The following LARS2 variants were observed in gnomAD, a reference collection of about 807,000 sequenced individuals.
The protein encoded by LARS2 is leucyl-tRNA synthetase 2, mitochondrial.
Under a neutral mutation model 116.6 loss-of-function variants are expected in LARS2, and 81 were observed. The ratio of observed to expected loss-of-function variants is 0.69; its 90% CI spans 0.58 to 0.84. The LOEUF is 0.84. Among genes scored for constraint, LARS2 ranks in the 40% least tolerant of loss-of-function variants. The probability of loss-of-function intolerance (pLI) is 0.00; values close to 1 mark genes in which losing one functional copy is unlikely to be tolerated. For missense variants in LARS2, 968 were observed against 1,114.5 expected (o/e 0.87, Z 1.87); for synonymous variants, 396 against 407.2 (o/e 0.97, Z 0.33).
At chr3:45,472,983 C>G (rs954853770) in intron 8 of LARS2, among the ~76,000 whole-genome samples, 1 of 152,246 alleles carries the variant, frequency 6.6e-6, no homozygotes, top group African/African-American at 2.4e-5. Flanking sequence ...CTCTCTAATT[C>G]TCTCCCTTGA....
intron 15 of LARS2, among the ~76,000 whole-genome samples, chr3:45,501,610 T>G (rs1405696988): frequency 6.6e-6 from 1 of 152,246 alleles, no homozygotes; most frequent in East Asian, 1.9e-4. Context: ...GACTGTTTTG[T>G]GCAATTATGA....
rs368971408 is a variant in LARS2, at chr3:45,505,549, G to C, written c.1760+4970G>C. Among the ~76,000 whole-genome samples the C allele has an allele frequency of 2.4e-3, 369 of 151,882 alleles. 12 individuals carry two copies. The South Asian group carries it at 0.07, about 29-fold the overall frequency. ...AAAAAAAAAAAAAATTAATGAGCCAGGTGTGGTGGTGCACACTTGTAGTCC... is the reference window on the plus strand; with the variant it reads ...AAAAAAAAAAAAAATTAATGAGCCACGTGTGGTGGTGCACACTTGTAGTCC... On this transcript the variant is annotated intron_variant, in intron 15 of 21. Transcript: ENST00000645846.
chr3:45,493,335 G>A (rs968994036), intron 13 of LARS2, among the ~76,000 whole-genome samples: 12 of 152,158 alleles, frequency 7.9e-5, no homozygotes, highest in Non-Finnish European at 1.3e-4. Context: ...TCCTGACCTC[G>A]TGTTCTGCCC....
At chr3:45,540,434 C>A (rs554324988) in intron 20 of LARS2, among the ~76,000 whole-genome samples, 2 of 152,148 alleles carry the variant, frequency 1.3e-5, no homozygotes, top group Non-Finnish European at 2.9e-5. Flanking sequence ...GGAATTGACT[C>A]CCTCTGTCAC....
At chr3:45,483,590 A>AG (rs1438834618) in intron 10 of LARS2, among the ~76,000 whole-genome samples, 1 of 152,192 alleles carries the variant, frequency 6.6e-6, no homozygotes. Flanking sequence ...CAGAGGTTGC[A>AG]GTGAGCTGAG....
At chr3:45,416,857 G>A (rs1474482183) in intron 4 of LARS2, among the ~76,000 whole-genome samples, 2 of 152,014 alleles carry the variant, frequency 1.3e-5, no homozygotes, top group East Asian at 1.9e-4. Flanking sequence ...GGCGGATCAC[G>A]AGGTCAGGAG....
Position 45,547,530 on chromosome 3 carries a change from A to G in LARS2, c.2712A>G (p.Ter904TrpextTer12), listed in dbSNP as rs775991374. 4 of 1,599,058 alleles carry G rather than the reference A, an allele frequency of 2.5e-6. No homozygotes were observed. In the East Asian group the frequency reaches 9.0e-5, roughly 36 times the overall value. ...TALINFLVQD* is the reference protein window; with the variant it reads ...TALINFLVQDW ...TCATCAACTTCCTGGTGCAAGATTG[A>G]CAGCCAGGAGGCTGCAGCTACCACG... Residue 904 changes from the stop codon to tryptophan (W), a stop_lost, in exon 22 of 22, where the codon TGA becomes TGG. Transcript: ENST00000645846.
chr3:45,509,138 T>G (rs1246422567), intron 15 of LARS2, among the ~76,000 whole-genome samples: 1 of 152,136 alleles, frequency 6.6e-6, no homozygotes, highest in Admixed American at 6.6e-5. Flanking sequence ...CAGGGCCTTC[T>G]TCAAGGCAGA....
At chr3:45,489,327 T>C (rs1699871592) in intron 12 of LARS2, among the ~76,000 whole-genome samples, 1 of 152,066 alleles carries the variant, frequency 6.6e-6, no homozygotes. Flanking sequence ...ACCTGGAAAG[T>C]AGGATGGAAG....
At chr3:45,505,909 A>G (rs1389367608) in intron 15 of LARS2, among the ~76,000 whole-genome samples, 1 of 152,066 alleles carries the variant, frequency 6.6e-6, no homozygotes, top group Non-Finnish European at 1.5e-5. Flanking sequence ...GTTTAAGACT[A>G]TATTCAAGCA....
intron 6 of LARS2, among the ~76,000 whole-genome samples, chr3:45,444,260 G>C (rs529430400): frequency 6.8e-6 from 1 of 146,616 alleles, no homozygotes; most frequent in Non-Finnish European, 1.5e-5. Flanking sequence ...TGATCCCCCC[G>C]CCTCAGCCTC....
intron 14 of LARS2, among the ~76,000 whole-genome samples, chr3:45,499,439 C>T (rs964277391): frequency 2.0e-5 from 3 of 151,424 alleles, no homozygotes; most frequent in Non-Finnish European, 2.9e-5. Flanking sequence ...GAGACTCCGT[C>T]TCAAAAAGAA....
chr3:45,395,383 A>G (rs922980187), intron 3 of LARS2, among the ~76,000 whole-genome samples: 43 of 152,206 alleles, frequency 2.8e-4, no homozygotes, highest in African/African-American at 9.7e-4. Context: ...GAAGCATAAT[A>G]CTTGGCTGCA....
chr3:45,517,585 C>G (rs545292591), intron 17 of LARS2, among the ~76,000 whole-genome samples: 9 of 152,328 alleles, frequency 5.9e-5, no homozygotes, highest in Admixed American at 5.2e-4. Flanking sequence ...AGCAAGCTTG[C>G]TTAATCAAGG....
intron 8 of LARS2, among the ~76,000 whole-genome samples, chr3:45,463,324 C>T (rs1327306436): frequency 6.6e-6 from 1 of 152,250 alleles, no homozygotes; most frequent in African/African-American, 2.4e-5. Context: ...CGCGCCCCTC[C>T]TTGGTGTTAA....
At chr3:45,422,706 CTT>C (rs1428968011) in intron 6 of LARS2, among the ~76,000 whole-genome samples, 1 of 152,144 alleles carries the variant, frequency 6.6e-6, no homozygotes, top group Non-Finnish European at 1.5e-5. Flanking sequence ...ATTACAATTG[CTT>C]TTAATACTTG....
chr3:45,520,778 T>C (rs899245610), intron 19 of LARS2, among the ~76,000 whole-genome samples: 5 of 152,218 alleles, frequency 3.3e-5, no homozygotes, highest in African/African-American at 1.2e-4. Context: ...GTGACTACCA[T>C]TTTTCTTGCC....
At chr3:45,456,441 G>A (rs1461684327) in intron 7 of LARS2, among the ~76,000 whole-genome samples, 1 of 152,262 alleles carries the variant, frequency 6.6e-6, no homozygotes, top group African/African-American at 2.4e-5. Context: ...AAATTAGCTG[G>A]GCGTGGTGGT....
chr3:45,406,204 TC>T (rs1193284046), intron 4 of LARS2, among the ~76,000 whole-genome samples: 2 of 152,170 alleles, frequency 1.3e-5, no homozygotes, highest in Admixed American at 1.3e-4. Context: ...GTTGTTGCCG[TC>T]AAGTTTGGCA....
Sources: gnomAD v4.1 joint callset for allele counts (sites outside exome capture counted in the v4.1 genomes callset) on GRCh38, gnomAD v4.1.1 for gene constraint, MANE v1.5 for transcripts, NCBI Gene and HGNC (gene_info 2026-07-23, HGNC 2026-07-21) for gene names.